The following KCNT2 variants were observed in gnomAD, a reference collection of about 807,000 sequenced individuals.
KCNT2 encodes potassium sodium-activated channel subfamily T member 2.
In KCNT2, 67 loss-of-function variants were observed where a neutral mutation model predicts 153.8. The ratio of observed to expected loss-of-function variants is 0.44; its 90% CI spans 0.36 to 0.53. The LOEUF is 0.53. Ranked by LOEUF, KCNT2 falls within the 20% of genes least tolerant of loss-of-function variation. KCNT2 has a pLI of 0.00. For missense variants in KCNT2, 975 were observed against 1,354.8 expected, an observed-to-expected ratio of 0.72 and a Z score of 4.40; for synonymous variants, 500 against 458.8, an observed-to-expected ratio of 1.09 and a Z score of -1.15.
At chr1:196,540,439 A>C (rs1475392277) in intron 1 of KCNT2, among the ~76,000 whole-genome samples, 2 of 152,224 alleles carry the variant, frequency 1.3e-5, no homozygotes, top group East Asian at 3.8e-4. Context: ...CCTCAAAAGG[A>C]AGCTAGATGG....
chr1:196,461,217 GT>G (rs144645137), intron 8 of KCNT2, among the ~76,000 whole-genome samples: 7,796 of 151,634 alleles, frequency 0.051, 685 homozygotes, highest in African/African-American at 0.18. Context: ...GTTTAAATAG[GT>G]TTTAATCGAT....
At chr1:196,321,180 T>G (rs1214967987) in intron 19 of KCNT2, among the ~76,000 whole-genome samples, 1 of 151,908 alleles carries the variant, frequency 6.6e-6, no homozygotes, top group East Asian at 1.9e-4. Context: ...TTCTAGGTAC[T>G]GTCCTGCTTC....
At chr1:196,592,713 A>G (rs1160793335) in intron 1 of KCNT2, among the ~76,000 whole-genome samples, 1 of 147,204 alleles carries the variant, frequency 6.8e-6, no homozygotes, top group Non-Finnish European at 1.5e-5. Context: ...ATACACATAT[A>G]TAAATATATA....
rs781162065 is a variant in KCNT2, at chr1:196,290,041, T to A, written c.2596-4283A>T. Among the ~76,000 whole-genome samples, 4 of 152,094 alleles carry A rather than the reference T, an allele frequency of 2.6e-5. No individual in the cohort carries two copies. The East Asian group carries it at 7.7e-4, about 29-fold the overall frequency. The stretch of plus-strand genomic sequence containing the variant: ...TTAATCTGTGTCCATCAATACCATA[T>A]GGAATGAGATGATAAAATTATTGGA... On this transcript the variant is annotated intron_variant, in intron 22 of 27. Transcript: ENST00000294725.
chr1:196,286,663 A>ACACC (rs932874017), intron 22 of KCNT2, among the ~76,000 whole-genome samples: 1 of 150,774 alleles, frequency 6.6e-6, no homozygotes, highest in Non-Finnish European at 1.5e-5. Flanking sequence ...ACACACACAC[A>ACACC]CGTTGTTTAT....
chr1:196,568,103 A>C (rs1031832394), intron 1 of KCNT2, among the ~76,000 whole-genome samples: 2 of 152,108 alleles, frequency 1.3e-5, no homozygotes, highest in African/African-American at 4.8e-5. Flanking sequence ...CCACACATTA[A>C]AGTGTGTTAT....
intron 1 of KCNT2, among the ~76,000 whole-genome samples, chr1:196,520,319 G>GA (rs1178074474): frequency 6.6e-6 from 1 of 151,872 alleles, no homozygotes; most frequent in Non-Finnish European, 1.5e-5. Flanking sequence ...AATAATAAGA[G>GA]CTATATATGA....
At chr1:196,436,681 GGT>G (rs559750371) in intron 8 of KCNT2, among the ~76,000 whole-genome samples, 1,737 of 151,014 alleles carry the variant, frequency 0.012, 24 homozygotes, top group Non-Finnish European at 0.015. Flanking sequence ...AATGAATTTT[GGT>G]GAGTTCTTAT....
chr1:196,467,076 T>C (rs1677684654), intron 7 of KCNT2, among the ~76,000 whole-genome samples: 1 of 152,028 alleles, frequency 6.6e-6, no homozygotes, highest in Non-Finnish European at 1.5e-5. Context: ...ACCCCACAGA[T>C]GTTCACTGCA....
At chr1:196,307,941 TA>T (rs1661793130) in intron 21 of KCNT2, among the ~76,000 whole-genome samples, 1 of 151,996 alleles carries the variant, frequency 6.6e-6, no homozygotes, top group Non-Finnish European at 1.5e-5. Flanking sequence ...AGAAATATTT[TA>T]AAATAACAAT....
intron 1 of KCNT2, among the ~76,000 whole-genome samples, chr1:196,590,192 A>G (rs1241922442): frequency 6.6e-6 from 1 of 152,182 alleles, no homozygotes; most frequent in Non-Finnish European, 1.5e-5. Context: ...GAATAAAGCC[A>G]AGTATACTGC....
At chr1:196,552,955 A>T (rs1658135103) in intron 1 of KCNT2, among the ~76,000 whole-genome samples, 1 of 151,354 alleles carries the variant, frequency 6.6e-6, no homozygotes, top group South Asian at 2.1e-4. Context: ...ATTAAAGCAT[A>T]CCATGAGAGA....
intron 1 of KCNT2, among the ~76,000 whole-genome samples, chr1:196,601,710 C>T (rs1453555183): frequency 1.3e-5 from 2 of 152,158 alleles, no homozygotes; most frequent in African/African-American, 2.4e-5. Flanking sequence ...TTCTCTGACC[C>T]TGTATGTTAG....
intron 27 of KCNT2, among the ~76,000 whole-genome samples, chr1:196,231,043 G>A (rs1418711317): frequency 6.6e-6 from 1 of 151,708 alleles, no homozygotes; most frequent in Non-Finnish European, 1.5e-5. Flanking sequence ...TTAAGAAATT[G>A]CCACACCCCT....
At position 196,315,900 on chromosome 1, in the gene KCNT2, T is replaced by G. The variant is rs745336729; in HGVS notation, c.2475A>C (p.Thr825=). Residue 825 remains threonine, a synonymous_variant, in exon 21 of 28, where the codon ACA becomes ACC. Coordinates refer to ENST00000294725, the MANE Select transcript of KCNT2 (RefSeq NM_198503.5). ...ATGATTCAGCCACTTACCTGAAGAGTGTCTGCACGTTCACAATGGTTTTGG... is the reference window on the plus strand; with the variant it reads ...ATGATTCAGCCACTTACCTGAAGAGGGTCTGCACGTTCACAATGGTTTTGG... The part of the protein sequence containing the change: ...ADAKTIVNVQ[T]LFRLFSSLSI... The G allele has an allele frequency of 3.7e-6, 6 of 1,605,580 alleles. No homozygotes were observed. In the African/African-American group the frequency reaches 4.0e-5, roughly 11 times the overall value.
intron 1 of KCNT2, among the ~76,000 whole-genome samples, chr1:196,493,439 G>A (rs893338394): frequency 1.3e-5 from 2 of 151,538 alleles, no homozygotes; most frequent in African/African-American, 4.8e-5. Flanking sequence ...TCATGCATTT[G>A]AGAAATAGTT....
intron 1 of KCNT2, among the ~76,000 whole-genome samples, chr1:196,596,339 T>C (rs1664080929): frequency 6.6e-6 from 1 of 152,082 alleles, no homozygotes; most frequent in South Asian, 2.1e-4. Flanking sequence ...TAATTTACAT[T>C]CCCACCAGCA....
At chr1:196,581,079 G>GT (rs545381285) in intron 1 of KCNT2, among the ~76,000 whole-genome samples, 50 of 150,344 alleles carry the variant, frequency 3.3e-4, no homozygotes, top group South Asian at 1.1e-3. Context: ...AAAACGTACA[G>GT]TTTTTTTTTC....
At chr1:196,402,429 A>G (rs1671494315) in intron 12 of KCNT2, among the ~76,000 whole-genome samples, 1 of 151,680 alleles carries the variant, frequency 6.6e-6, no homozygotes, top group Admixed American at 6.6e-5. Context: ...ATGCAAGTTT[A>G]TAATTTTAAC....
Sources: gnomAD v4.1 joint callset for allele counts (sites outside exome capture counted in the v4.1 genomes callset) on GRCh38, gnomAD v4.1.1 for gene constraint, MANE v1.5 for transcripts, NCBI Gene and HGNC (gene_info 2026-07-23, HGNC 2026-07-21) for gene names.